The following DGKH variants were observed in gnomAD, a reference collection of about 807,000 sequenced individuals.
DGKH encodes the protein diacylglycerol kinase eta.
DGKH carries 90 observed loss-of-function variants against 159.3 expected under a neutral mutation model. That is an observed-to-expected ratio of 0.57 (90% confidence interval 0.48 to 0.67). The LOEUF (loss-of-function observed/expected upper bound fraction) is 0.67. DGKH is among the 30% of genes least tolerant of loss of function. DGKH has a pLI of 0.00. For synonymous variants in DGKH, 536 were observed against 553.8 expected (o/e 0.97, Z 0.45); for missense variants, 1,181 against 1,506.1 (o/e 0.78, Z 3.57).
chr13:42,070,138 A>G (rs557267081), intron 1 of DGKH: 20 of 922,414 alleles, frequency 2.2e-5, no homozygotes, highest in Admixed American at 1.9e-4. Flanking sequence ...AAAAGAACAT[A>G]TGCTCATGTA....
chr13:42,129,964 T>C (rs1955255354), intron 3 of DGKH, among the ~76,000 whole-genome samples: 1 of 152,242 alleles, frequency 6.6e-6, no homozygotes, highest in African/African-American at 2.4e-5. Context: ...CAGTCTTAAA[T>C]ATAATATTTT....
At chr13:42,207,145 C>CT (rs1566192722) in intron 21 of DGKH, among the ~76,000 whole-genome samples, 9 of 60,384 alleles carry the variant, frequency 1.5e-4, no homozygotes, top group Non-Finnish European at 2.3e-4. Flanking sequence ...TTCCTTCCTT[C>CT]CTTCCTTCCT....
At chr13:42,192,929 A>G (rs1033531305) in intron 16 of DGKH, among the ~76,000 whole-genome samples, 2 of 152,162 alleles carry the variant, frequency 1.3e-5, no homozygotes, top group Non-Finnish European at 2.9e-5. Flanking sequence ...ACTACTCATT[A>G]AGGACATTTT....
At chr13:42,061,403 T>C (rs995698531) in intron 1 of DGKH, among the ~76,000 whole-genome samples, 2 of 152,150 alleles carry the variant, frequency 1.3e-5, no homozygotes, top group East Asian at 3.9e-4. Flanking sequence ...AGAAAATGAT[T>C]TGGGGCTGCT....
chr13:42,111,586 AT>A (rs778490792), intron 1 of DGKH, among the ~76,000 whole-genome samples: 19 of 152,226 alleles, frequency 1.2e-4, no homozygotes, highest in Admixed American at 9.8e-4. Flanking sequence ...TCAAAAAAAA[AT>A]ATGTTGGATA....
intron 1 of DGKH, among the ~76,000 whole-genome samples, chr13:42,041,119 C>G (rs1409659636): frequency 6.6e-6 from 1 of 152,188 alleles, no homozygotes; most frequent in Admixed American, 6.5e-5. Context: ...CTTTGTCCGG[C>G]TGATCGAGGC....
intron 1 of DGKH, chr13:42,071,077 T>C (rs1182628044): frequency 1.3e-5 from 15 of 1,127,840 alleles, no homozygotes; most frequent in Non-Finnish European, 1.9e-5. Flanking sequence ...CATGAGACTT[T>C]CAAATTTCTC....
At chr13:42,164,387 T>C (rs1566147996) in intron 7 of DGKH, among the ~76,000 whole-genome samples, 1 of 152,238 alleles carries the variant, frequency 6.6e-6, no homozygotes, top group Non-Finnish European at 1.5e-5. Flanking sequence ...GCATTTGGAT[T>C]GTTAATTATT....
chr13:42,207,023 CTTTTT>C (rs1566191724), intron 21 of DGKH, among the ~76,000 whole-genome samples: 11 of 49,022 alleles, frequency 2.2e-4, no homozygotes, highest in Non-Finnish European at 3.3e-4. Context: ...TTCTTTCTTT[CTTTTT>C]CTTTCTTTCT....
chr13:42,167,644 C>G (rs368026920), intron 9 of DGKH, among the ~76,000 whole-genome samples: 1 of 152,064 alleles, frequency 6.6e-6, no homozygotes, highest in Non-Finnish European at 1.5e-5. Context: ...CCTTCCTTTC[C>G]TCTGCTGAGG....
At chr13:42,170,333 A>AG (rs1270906292) in intron 11 of DGKH, among the ~76,000 whole-genome samples, 32 of 152,264 alleles carry the variant, frequency 2.1e-4, no homozygotes, top group Admixed American at 5.9e-4. Flanking sequence ...GGATCACTTG[A>AG]GCCCAGGAGG....
At position 42,229,250 on chromosome 13, in the gene DGKH, C is replaced by G; in HGVS notation, c.*62C>G. The G allele has an allele frequency of 6.9e-7, 1 of 1,444,414 alleles. No individual in the cohort carries two copies. Among genetic ancestry groups the G allele is most frequent in the Non-Finnish European group, 9.5e-7 (1 of 1,050,000 alleles). The allele number at this position is 1,444,414 out of a possible 1,614,324, so 89.5% of individuals were successfully genotyped here. A position where few individuals can be genotyped will look rare whatever the true frequency, so the allele number is the denominator to read the frequency against. ...CCACTTAATACAAAGTCCTTGGAAG[C>G]AAGTGGCTGTTCTTGTAGTTTTCTG... On this transcript the variant is annotated 3_prime_UTR_variant, in exon 30 of 30. Transcript: ENST00000337343.
chr13:42,227,736 T>G (rs1012855816), intron 29 of DGKH, among the ~76,000 whole-genome samples: 4 of 152,170 alleles, frequency 2.6e-5, no homozygotes, highest in Admixed American at 6.5e-5. Context: ...GACAATAGCA[T>G]TGGCTATGGA....
intron 16 of DGKH, 67 bp from the exon 17 acceptor site, chr13:42,194,818 T>C (rs1957163341): frequency 6.6e-7 from 1 of 1,511,456 alleles, no homozygotes; most frequent in African/African-American, 1.4e-5. Context: ...GTTTTAAATT[T>C]ATAGGAACGT....
intron 1 of DGKH, among the ~76,000 whole-genome samples, chr13:42,067,360 C>T (rs988095357): frequency 1.3e-5 from 2 of 152,070 alleles, no homozygotes; most frequent in Admixed American, 6.6e-5. Flanking sequence ...ACCCAAAAAT[C>T]TCTTCTGTAA....
At chr13:42,134,889 A>G (rs916582628) in intron 3 of DGKH, among the ~76,000 whole-genome samples, 4 of 152,144 alleles carry the variant, frequency 2.6e-5, no homozygotes, top group Admixed American at 6.6e-5. Context: ...AGGCAGGAGA[A>G]TTGCTTGAAC....
intron 11 of DGKH, among the ~76,000 whole-genome samples, chr13:42,172,079 C>T (rs1294756907): frequency 4.0e-5 from 6 of 151,814 alleles, no homozygotes; most frequent in East Asian, 1.9e-4. Context: ...CCGCCCGCCT[C>T]GGCCTCCCAA....
chr13:42,195,510 A>G (rs143326015), intron 17 of DGKH, among the ~76,000 whole-genome samples: 153 of 152,248 alleles, frequency 1.0e-3, no homozygotes, highest in African/African-American at 3.5e-3. Flanking sequence ...TCAGAAAACA[A>G]ACAAACAAAC....
At chr13:42,064,667 GGAAA>G (rs1408041051) in intron 1 of DGKH, among the ~76,000 whole-genome samples, 1 of 151,966 alleles carries the variant, frequency 6.6e-6, no homozygotes, top group East Asian at 1.9e-4. Context: ...ATTTAAAAAA[GGAAA>G]GAAAGAAAAG....
Sources: allele counts gnomAD v4.1 joint callset (sites outside exome capture counted in the v4.1 genomes callset), GRCh38; gene constraint gnomAD v4.1.1; transcripts MANE v1.5; gene names NCBI Gene and HGNC (gene_info 2026-07-23, HGNC 2026-07-21).